The following MYO16 variants were observed in gnomAD, a reference collection of about 807,000 sequenced individuals.
The protein encoded by MYO16 is unconventional myosin-XVI.
MYO16 carries 94 observed loss-of-function variants against 205.3 expected under a neutral mutation model. The ratio of observed to expected loss-of-function variants is 0.46; its 90% CI spans 0.39 to 0.54. MYO16 has a LOEUF of 0.54. Among genes scored for constraint, MYO16 ranks in the 20% least tolerant of loss-of-function variants. The pLI, the probability that MYO16 is intolerant of heterozygous loss-of-function variation, is 0.00. For missense variants in MYO16, 2,315 were observed against 2,387.5 expected (o/e 0.97, Z 0.63); for synonymous variants, 988 against 954.0 (o/e 1.04, Z -0.66).
intron 4 of MYO16, among the ~76,000 whole-genome samples, chr13:108,759,631 C>T (rs538312975): frequency 1.3e-5 from 2 of 152,146 alleles, no homozygotes. Context: ...ACCATCCTGG[C>T]TAACACGGTG....
chr13:109,199,222 A>ACCG (rs1880305166), intron 34 of MYO16, among the ~76,000 whole-genome samples: 2 of 96,900 alleles, frequency 2.1e-5, no homozygotes, highest in Non-Finnish European at 4.4e-5. Flanking sequence ...ATATATATAT[A>ACCG]TATATATATA....
intron 4 of MYO16, among the ~76,000 whole-genome samples, chr13:108,750,481 A>T (rs1885196228): frequency 6.6e-6 from 1 of 152,058 alleles, no homozygotes; most frequent in Non-Finnish European, 1.5e-5. Context: ...TGAGTTAACA[A>T]TTCTGGGCAG....
At chr13:109,087,586 C>T (rs1888474166) in intron 27 of MYO16, among the ~76,000 whole-genome samples, 1 of 152,104 alleles carries the variant, frequency 6.6e-6, no homozygotes, top group Admixed American at 6.5e-5. Context: ...GTGGAGGTTG[C>T]AGTGAGCCGA....
At chr13:108,961,398 C>T (rs961517429) in intron 17 of MYO16, 141 bp from the exon 18 acceptor site, 11 of 613,112 alleles carry the variant, frequency 1.8e-5, no homozygotes, top group Non-Finnish European at 2.9e-5. Context: ...CTTGCCATAT[C>T]GAACATTTGG....
At chr13:109,109,757 GA>G in intron 28 of MYO16, among the ~76,000 whole-genome samples, 1 of 151,840 alleles carries the variant, frequency 6.6e-6, no homozygotes, top group African/African-American at 2.4e-5. Context: ...CTAGATGATG[GA>G]AAAGACTCGG....
intron 1 of MYO16, among the ~76,000 whole-genome samples, chr13:108,616,832 A>G (rs1475889884): frequency 6.6e-6 from 1 of 152,178 alleles, no homozygotes; most frequent in Non-Finnish European, 1.5e-5. Flanking sequence ...AAAGAGGAAA[A>G]GGTCAGAGGA....
intron 7 of MYO16, among the ~76,000 whole-genome samples, chr13:108,818,985 C>A (rs1875797383): frequency 1.3e-5 from 2 of 152,114 alleles, no homozygotes; most frequent in South Asian, 2.1e-4. Flanking sequence ...GAACGTAGAG[C>A]AGCAGAAAGC....
At chr13:108,653,759 GCA>G (rs1170636818) in intron 1 of MYO16, among the ~76,000 whole-genome samples, 3 of 150,542 alleles carry the variant, frequency 2.0e-5, no homozygotes, top group Non-Finnish European at 4.4e-5. Flanking sequence ...ATGCTTATAT[GCA>G]CACACACACA....
chr13:109,044,138 G>GA (rs34531006), intron 23 of MYO16, among the ~76,000 whole-genome samples: 11 of 149,540 alleles, frequency 7.4e-5, no homozygotes, highest in South Asian at 4.3e-4. Flanking sequence ...TGACTATGAT[G>GA]AAAAAAAAAA....
chr13:108,588,389 A>G, the MYO16 span, among the ~76,000 whole-genome samples: 2 of 152,172 alleles, frequency 1.3e-5, no homozygotes, highest in African/African-American at 4.8e-5. Context: ...CTAGGTAGAG[A>G]GGGTAGTATG....
intron 30 of MYO16, among the ~76,000 whole-genome samples, chr13:109,126,827 C>A (rs1876274068): frequency 6.6e-6 from 1 of 152,242 alleles, no homozygotes; most frequent in South Asian, 2.1e-4. Flanking sequence ...AGAGTCTATC[C>A]TCTTGCGAGG....
intron 20 of MYO16, among the ~76,000 whole-genome samples, chr13:108,975,933 C>G (rs996522764): frequency 2.6e-5 from 4 of 152,018 alleles, no homozygotes; most frequent in African/African-American, 4.8e-5. Context: ...GGATCAGTGG[C>G]TATTCATTAC....
At chr13:108,817,382 C>T (rs541440113) in intron 7 of MYO16, among the ~76,000 whole-genome samples, 100 of 145,604 alleles carry the variant, frequency 6.9e-4, no homozygotes, top group Middle Eastern at 7.0e-3. Flanking sequence ...CAAGCATGGA[C>T]GAATCTCAAG....
At chr13:108,641,356 A>G (rs1880495306) in intron 1 of MYO16, among the ~76,000 whole-genome samples, 1 of 152,192 alleles carries the variant, frequency 6.6e-6, no homozygotes, top group Non-Finnish European at 1.5e-5. Context: ...GACTTGAGTT[A>G]TTGATTATCT....
the MYO16 span, among the ~76,000 whole-genome samples, chr13:108,509,793 A>G: frequency 6.6e-6 from 1 of 152,170 alleles, no homozygotes; most frequent in Admixed American, 6.5e-5. Flanking sequence ...AACTTAAAGT[A>G]TAATAATAAT....
intron 32 of MYO16, among the ~76,000 whole-genome samples, chr13:109,148,790 G>C (rs543639363): frequency 1.5e-4 from 23 of 152,310 alleles, no homozygotes; most frequent in Non-Finnish European, 2.6e-4. Flanking sequence ...AGAGGTAAAT[G>C]CCTGAGAGAA....
intron 6 of MYO16, among the ~76,000 whole-genome samples, chr13:108,803,250 C>T (rs1887018776): frequency 6.6e-6 from 1 of 152,138 alleles, no homozygotes; most frequent in Non-Finnish European, 1.5e-5. Flanking sequence ...CTGTCCAGAG[C>T]AATTGATCCA....
At chr13:108,762,846 G>A (rs1847258860) in intron 4 of MYO16, among the ~76,000 whole-genome samples, 1 of 152,136 alleles carries the variant, frequency 6.6e-6, no homozygotes, top group African/African-American at 2.4e-5. Flanking sequence ...TAACCTACGA[G>A]AACACCATTG....
the MYO16 span, among the ~76,000 whole-genome samples, chr13:108,526,798 G>C: frequency 6.6e-6 from 1 of 151,954 alleles, no homozygotes; most frequent in African/African-American, 2.4e-5. Context: ...GCCTTTTTCT[G>C]TTGGTCACTA....
Sources: allele counts gnomAD v4.1 joint callset (sites outside exome capture counted in the v4.1 genomes callset), GRCh38; gene constraint gnomAD v4.1.1; transcripts MANE v1.5; gene names NCBI Gene and HGNC (gene_info 2026-07-23, HGNC 2026-07-21).